SORCS1: variants seen among roughly 807,000 people sequenced by gnomAD.
The protein encoded by SORCS1 is sortilin related VPS10 domain containing receptor 1.
SORCS1 carries 60 observed loss-of-function variants against 146.1 expected under a neutral mutation model. The ratio of observed to expected loss-of-function variants is 0.41; its 90% CI spans 0.33 to 0.51. The LOEUF (loss-of-function observed/expected upper bound fraction) is 0.51, where lower values mean the gene tolerates loss of function less well. SORCS1 is among the 20% of genes least tolerant of loss of function. The probability of loss-of-function intolerance (pLI) is 0.21; values close to 1 mark genes in which losing one functional copy is unlikely to be tolerated. For missense variants in SORCS1, 1,352 were observed against 1,487.6 expected, an observed-to-expected ratio of 0.91 and a Z score of 1.50; for synonymous variants, 637 against 584.0, an observed-to-expected ratio of 1.09 and a Z score of -1.31.
rs561403963 is a variant in SORCS1, at chr10:107,139,302, T to C, written c.558+24667A>G. On this transcript the variant is annotated intron_variant, in intron 1 of 25. Transcript: ENST00000263054. ...ATAGGCAGAGTTGTGCACTTAGTTT[T>C]AGCCATGTTGATATAAGATTGGCTT... Among the ~76,000 whole-genome samples, 23 of 152,310 alleles carry C rather than the reference T, an allele frequency of 1.5e-4. No homozygotes were observed. The South Asian group carries it at 4.8e-3, about 32-fold the overall frequency.
chr10:106,604,412 G>A (rs749893224), intron 23 of SORCS1, among the ~76,000 whole-genome samples: 24 of 152,108 alleles, frequency 1.6e-4, no homozygotes, highest in Non-Finnish European at 2.9e-4. Context: ...TTAATAAGTT[G>A]ATTTCAGGTG....
intron 19 of SORCS1, among the ~76,000 whole-genome samples, chr10:106,625,964 T>A (rs1262826378): frequency 1.3e-5 from 2 of 152,128 alleles, no homozygotes; most frequent in East Asian, 1.9e-4. Flanking sequence ...GTGAATACTA[T>A]CCCCAAGGAA....
chr10:106,651,934 T>C lies in SORCS1; in HGVS notation c.2475+448A>G, dbSNP rs558808799. 2.6e-5 allele frequency among the ~76,000 whole-genome samples: 4 copies of C among 152,324 alleles called. No homozygotes were observed. In the South Asian group the frequency reaches 8.3e-4, roughly 32 times the overall value. On this transcript the variant is annotated intron_variant, in intron 18 of 25. Coordinates refer to ENST00000263054, the MANE Select transcript of SORCS1 (RefSeq NM_052918.5). Reference sequence around the variant, plus strand: ...GAAATTACACTCAATTATGTTTACATTGGCCTCAGTGCTATATGCATGACC... The same window carrying C: ...GAAATTACACTCAATTATGTTTACACTGGCCTCAGTGCTATATGCATGACC...
intron 2 of SORCS1, among the ~76,000 whole-genome samples, chr10:106,837,896 C>A (rs1168163131): frequency 6.6e-6 from 1 of 152,050 alleles, no homozygotes; most frequent in Non-Finnish European, 1.5e-5. Context: ...GCACACTCTG[C>A]CCTTCCTAGG....
At chr10:106,951,019 G>A (rs1020314968) in intron 2 of SORCS1, among the ~76,000 whole-genome samples, 1 of 152,088 alleles carries the variant, frequency 6.6e-6, no homozygotes, top group Non-Finnish European at 1.5e-5. Flanking sequence ...AAGTAAAGAA[G>A]CAACACTTAT....
chr10:107,117,776 G>C (rs1271199097), intron 1 of SORCS1, among the ~76,000 whole-genome samples: 1 of 152,034 alleles, frequency 6.6e-6, no homozygotes, highest in African/African-American at 2.4e-5. Context: ...TCACACAATT[G>C]TATTTTGGAA....
chr10:106,666,448 T>C (rs7095427), intron 17 of SORCS1, among the ~76,000 whole-genome samples: 30,098 of 152,072 alleles, frequency 0.2, 3,711 homozygotes, highest in African/African-American at 0.34. Context: ...ACTACAACTA[T>C]ACTGTCAGCT....
At position 106,727,018 on chromosome 10, in the gene SORCS1, G is replaced by A. The variant is rs369119661; in HGVS notation, c.1024+3032C>T. Among the ~76,000 whole-genome samples the A allele has an allele frequency of 1.1e-3, 168 of 151,804 alleles. 1 individual carries two copies. The highest frequency in any genetic ancestry group is 3.7e-3 in the African/African-American group (155 of 41,402). ...GGAGAATGGCCTGAACCTGGGAGGCGGAGCTTGCAGTGAGCCGAGATAGTG... is the reference window on the plus strand; with the variant it reads ...GGAGAATGGCCTGAACCTGGGAGGCAGAGCTTGCAGTGAGCCGAGATAGTG... On this transcript the variant is annotated intron_variant, in intron 6 of 25. Transcript: ENST00000263054.
intron 21 of SORCS1, among the ~76,000 whole-genome samples, chr10:106,612,914 A>T (rs1031738155): frequency 7.9e-5 from 12 of 151,748 alleles, no homozygotes; most frequent in Admixed American, 6.6e-4. Flanking sequence ...AGAACGCCCC[A>T]TTCTCCCCAC....
chr10:106,757,024 G>T (rs1241233875), intron 5 of SORCS1, among the ~76,000 whole-genome samples: 1 of 152,056 alleles, frequency 6.6e-6, no homozygotes, highest in Non-Finnish European at 1.5e-5. Context: ...TTCTTCTTTG[G>T]CAATACTTGC....
At chr10:106,657,424 A>G (rs1043550753) in intron 17 of SORCS1, among the ~76,000 whole-genome samples, 28 of 152,120 alleles carry the variant, frequency 1.8e-4, no homozygotes, top group Admixed American at 1.8e-3. Context: ...AAAGGCATAG[A>G]GAGTGGTATA....
intron 1 of SORCS1, among the ~76,000 whole-genome samples, chr10:106,984,340 C>A (rs945431406): frequency 2.6e-5 from 4 of 151,466 alleles, no homozygotes; most frequent in Admixed American, 2.0e-4. Context: ...GATTCCTTTG[C>A]AAGACTTTAG....
chr10:107,033,271 A>G (rs1392507998), intron 1 of SORCS1, among the ~76,000 whole-genome samples: 1 of 152,096 alleles, frequency 6.6e-6, no homozygotes, highest in Non-Finnish European at 1.5e-5. Flanking sequence ...GGGGAACCTC[A>G]CCCCCATGAT....
chr10:107,179,619 A>T, the SORCS1 span, among the ~76,000 whole-genome samples: 6 of 152,174 alleles, frequency 3.9e-5, no homozygotes, highest in Non-Finnish European at 7.3e-5. Flanking sequence ...AACTTTGGCC[A>T]TTAAAATAGG....
chr10:106,998,464 A>T (rs1382466755), intron 1 of SORCS1, among the ~76,000 whole-genome samples: 2 of 152,202 alleles, frequency 1.3e-5, no homozygotes, highest in African/African-American at 2.4e-5. Flanking sequence ...TAATGGAGCA[A>T]ATGGCACAAT....
intron 14 of SORCS1, among the ~76,000 whole-genome samples, chr10:106,674,731 G>A (rs371620972): frequency 2.0e-5 from 3 of 152,118 alleles, no homozygotes; most frequent in African/African-American, 7.2e-5. Context: ...GACTTAAAGC[G>A]AACTCATTCC....
chr10:106,891,504 C>CGTTTTTTTTTTTTTTTTTTTTTTTTTTT (rs1951230796), intron 2 of SORCS1, among the ~76,000 whole-genome samples: 1 of 97,260 alleles, frequency 1.0e-5, no homozygotes, highest in African/African-American at 3.6e-5. Flanking sequence ...AATGGGAATT[C>CGTTTTTTTTTTTTTTTTTTTTTTTTTTT]TTTTTTTTTT....
intron 17 of SORCS1, among the ~76,000 whole-genome samples, chr10:106,664,084 G>A (rs1470317773): frequency 1.3e-5 from 2 of 152,114 alleles, no homozygotes; most frequent in Non-Finnish European, 2.9e-5. Flanking sequence ...AATCATTTGG[G>A]GTCAGATGCT....
chr10:107,127,466 A>G (rs1340237468), intron 1 of SORCS1, among the ~76,000 whole-genome samples: 2 of 152,034 alleles, frequency 1.3e-5, no homozygotes, highest in African/African-American at 4.8e-5. Context: ...TCATTTTCTT[A>G]AGTATTCTTG....
Sources: allele counts gnomAD v4.1 joint callset (sites outside exome capture counted in the v4.1 genomes callset), GRCh38; gene constraint gnomAD v4.1.1; transcripts MANE v1.5; gene names NCBI Gene and HGNC (gene_info 2026-07-23, HGNC 2026-07-21).